The following EFHD2 variants were observed in gnomAD, a reference collection of about 807,000 sequenced individuals.
The protein encoded by EFHD2 is EF-hand domain family member D2.
A neutral mutation model predicts 20.3 loss-of-function variants in EFHD2; 12 were observed. That is an observed-to-expected ratio of 0.59 (90% CI 0.38 to 0.96). EFHD2 has a LOEUF of 0.96. Among genes scored for constraint, EFHD2 ranks in the 40% least tolerant of loss-of-function variants. The pLI, the probability that EFHD2 is intolerant of heterozygous loss-of-function variation, is 0.00. For synonymous variants in EFHD2, 131 were observed against 143.9 expected (o/e 0.91, Z 0.64); for missense variants, 250 against 334.3 (o/e 0.75, Z 1.97).
At chr1:15,410,776 C>T (rs1707480354) in intron 1 of EFHD2, among the ~76,000 whole-genome samples, 1 of 151,634 alleles carries the variant, frequency 6.6e-6, no homozygotes, top group Non-Finnish European at 1.5e-5. Flanking sequence ...AGATACCCAC[C>T]CCAGTGCCCC....
chr1:15,425,091 C>T (rs1205438505), intron 1 of EFHD2, among the ~76,000 whole-genome samples: 1 of 152,176 alleles, frequency 6.6e-6, no homozygotes, highest in African/African-American at 2.4e-5. Flanking sequence ...AAACCATGCC[C>T]TTGCCTGCAA....
At chr1:15,417,957 C>T (rs959656646) in intron 1 of EFHD2, among the ~76,000 whole-genome samples, 1 of 150,082 alleles carries the variant, frequency 6.7e-6, no homozygotes, top group South Asian at 2.1e-4. Context: ...GGCACCTGCA[C>T]GAGGAGCAAC....
chr1:15,423,927 C>A (rs374904667), intron 1 of EFHD2, among the ~76,000 whole-genome samples: 3 of 152,018 alleles, frequency 2.0e-5, no homozygotes, highest in Non-Finnish European at 4.4e-5. Flanking sequence ...AAGTGGTGCA[C>A]GCCTGTAATT....
chr1:15,422,371 G>A (rs1404106857), intron 1 of EFHD2, among the ~76,000 whole-genome samples: 3 of 151,844 alleles, frequency 2.0e-5, no homozygotes, highest in Admixed American at 6.6e-5. Context: ...GATTATAGGC[G>A]TGAGCCACCG....
chr1:15,416,586 C>A (rs556541269), intron 1 of EFHD2, among the ~76,000 whole-genome samples: 1 of 152,198 alleles, frequency 6.6e-6, no homozygotes. Flanking sequence ...GCAACATTAT[C>A]CTCGCCCATT....
At chr1:15,424,037 C>T (rs561386489) in intron 1 of EFHD2, among the ~76,000 whole-genome samples, 2 of 151,990 alleles carry the variant, frequency 1.3e-5, no homozygotes, top group East Asian at 1.9e-4. Context: ...AAAAAAAATA[C>T]AAAACTTGGC....
At chr1:15,411,614 C>T (rs1307986404) in intron 1 of EFHD2, among the ~76,000 whole-genome samples, 2 of 152,224 alleles carry the variant, frequency 1.3e-5, no homozygotes, top group African/African-American at 2.4e-5. Flanking sequence ...GGAACAGCCT[C>T]GTTCCACGAT....
At chr1:15,423,595 G>A (rs1707827915) in intron 1 of EFHD2, among the ~76,000 whole-genome samples, 1 of 152,150 alleles carries the variant, frequency 6.6e-6, no homozygotes, top group East Asian at 1.9e-4. Flanking sequence ...TAACCTCTCT[G>A]AGCCTTGGTC....
At chr1:15,412,811 AT>A (rs1707562205) in intron 1 of EFHD2, among the ~76,000 whole-genome samples, 1 of 152,142 alleles carries the variant, frequency 6.6e-6, no homozygotes, top group Non-Finnish European at 1.5e-5. Context: ...TTTTTTTTAC[AT>A]AGGCTGTTTC....
chr1:15,425,786 C>T (rs1178107674), intron 1 of EFHD2, 85 bp from the exon 2 acceptor site: 35 of 1,533,062 alleles, frequency 2.3e-5, no homozygotes, highest in Non-Finnish European at 2.9e-5. Context: ...GAGATGCCCT[C>T]TGATCCCCCA....
Position 15,426,466 on chromosome 1 carries a change from C to G in EFHD2, c.456+448C>G, listed in dbSNP as rs1043198565. On this transcript the variant is annotated intron_variant, in intron 2 of 3. Coordinates refer to ENST00000375980, the MANE Select transcript of EFHD2 (RefSeq NM_024329.6). The surrounding 1 kb of genome is among the most constrained non-coding windows in gnomAD (Gnocchi z 4.6). ...TCCGAGACAGGAGCTAGGGGCAAGC[C>G]GGTTTCGCAGGGAAGGAAATGGAGG... is the stretch of plus-strand genomic sequence containing the variant. 6.6e-6 allele frequency among the ~76,000 whole-genome samples: 1 copy of G among 152,032 alleles called. No individual in the cohort carries two copies. The highest frequency in any genetic ancestry group is 1.5e-5 in the Non-Finnish European group (1 of 68,016).
chr1:15,417,988 T>C (rs978278958), intron 1 of EFHD2, among the ~76,000 whole-genome samples: 12 of 137,354 alleles, frequency 8.7e-5, no homozygotes, highest in Admixed American at 2.9e-4. Context: ...TTTCTTTTTT[T>C]TTTTTTTTTT....
intron 1 of EFHD2, among the ~76,000 whole-genome samples, chr1:15,420,726 G>A (rs1707775477): frequency 6.6e-6 from 1 of 152,010 alleles, no homozygotes; most frequent in Non-Finnish European, 1.5e-5. Flanking sequence ...TACCATGTTG[G>A]TCAGGCTGGT....
chr1:15,426,114 G>C lies in EFHD2; in HGVS notation c.456+96G>C. 1.6e-6 allele frequency: 2 copies of C among 1,268,230 alleles called. No homozygotes were observed. Among genetic ancestry groups the C allele is most frequent in the Non-Finnish European group, 2.1e-6 (2 of 948,240 alleles). The allele number at this position is 1,268,230 out of a possible 1,614,324, so 78.6% of individuals were successfully genotyped here. On this transcript the variant is annotated intron_variant, in intron 2 of 3. Coordinates refer to ENST00000375980, the MANE Select transcript of EFHD2 (RefSeq NM_024329.6). The surrounding 1 kb of genome is among the most constrained non-coding windows in gnomAD (Gnocchi z 4.6). ...CAACCCCCACCCTTTGTCAATGAAT[G>C]AATGACATTGCCATTGAACAGCAGC...
In EFHD2 at chr1:15,409,918, C is replaced by T. The variant is rs969096256; in HGVS notation, c.-54C>T. 1.8e-5 allele frequency: 22 copies of T among 1,197,216 alleles called. No homozygotes were observed. Among genetic ancestry groups the T allele is most frequent in the Admixed American group, 4.5e-5 (1 of 22,286 alleles). 74.2% of individuals were successfully genotyped at this position (1,197,216 alleles called of 1,614,324 possible). ...TCAGGAAGAGGAAGAGCGCGGCCGG[C>T]GGCGCTGCGCTGAGAGCAGGGGCCC... On this transcript the variant is annotated 5_prime_UTR_variant, in exon 1 of 4. Coordinates refer to ENST00000375980, the MANE Select transcript of EFHD2 (RefSeq NM_024329.6).
At position 15,410,222 on chromosome 1, in the gene EFHD2, C is replaced by G; in HGVS notation, c.251C>G (p.Thr84Ser). 1 of 1,606,954 alleles carries G rather than the reference C, an allele frequency of 6.2e-7. No homozygotes were observed. The highest frequency in any genetic ancestry group is 8.5e-7 in the Non-Finnish European group (1 of 1,177,384). ...SPSRRVFNPY[T>S]EFKEFSRKQI... is the part of the protein sequence containing the mutation. Reference sequence around the variant, plus strand: ...AGCCGCCGCGTCTTCAACCCCTACACCGAGTTCAAGGAGTTCTCCAGGAAG... The same window carrying G: ...AGCCGCCGCGTCTTCAACCCCTACAGCGAGTTCAAGGAGTTCTCCAGGAAG... Residue 84 changes from threonine to serine, a missense_variant, in exon 1 of 4, where the codon ACC (threonine) becomes AGC (serine). By Grantham distance (58) the Thr-to-Ser change is moderately conservative (BLOSUM62 1). Transcript: ENST00000375980.
rs549134910 is a variant in EFHD2 at position 15,418,526 on chromosome 1, C to T, written c.309-7345C>T. On this transcript the variant is annotated intron_variant, in intron 1 of 3. Coordinates refer to ENST00000375980, the MANE Select transcript of EFHD2 (RefSeq NM_024329.6). ...TTCACCGTGTTAGCCAGGATGGTCT[C>T]AATCTCCTGACCTTGTGATCCGCCC... Among the ~76,000 whole-genome samples, 25 of 150,624 alleles carry T rather than the reference C, an allele frequency of 1.7e-4. No individual in the cohort carries two copies. In the East Asian group the frequency reaches 2.2e-3, roughly 13 times the overall value.
chr1:15,414,297 C>T (rs1259602670), intron 1 of EFHD2, among the ~76,000 whole-genome samples: 1 of 152,242 alleles, frequency 6.6e-6, no homozygotes, highest in Non-Finnish European at 1.5e-5. Flanking sequence ...GGAAGCCTCC[C>T]GCCCTCTTCT....
At chr1:15,425,800 T>A in intron 1 of EFHD2, 71 bp from the exon 2 acceptor site, 1 of 1,558,454 alleles carries the variant, frequency 6.4e-7, no homozygotes, top group South Asian at 1.2e-5. Flanking sequence ...TCCCCCAGTC[T>A]CCTTGCACTC....
Sources: allele counts gnomAD v4.1 joint callset (sites outside exome capture counted in the v4.1 genomes callset), GRCh38; gene constraint gnomAD v4.1.1; non-coding constraint Gnocchi (gnomAD v3.1); transcripts MANE v1.5; gene names NCBI Gene and HGNC (gene_info 2026-07-23, HGNC 2026-07-21).